The following SETX variants were observed in gnomAD, a reference collection of about 807,000 sequenced individuals.
SETX encodes helicase senataxin.
In SETX, 90 loss-of-function variants were observed where a neutral mutation model predicts 227.2. The ratio of observed to expected loss-of-function variants is 0.40; its 90% CI spans 0.33 to 0.47. The LOEUF (loss-of-function observed/expected upper bound fraction) is 0.47. Among genes scored for constraint, SETX ranks in the 20% least tolerant of loss-of-function variants. The pLI, the probability that SETX is intolerant of heterozygous loss-of-function variation, is 0.91. For missense variants in SETX, 3,052 were observed against 3,181.5 expected (o/e 0.96, Z 0.98); for synonymous variants, 1,210 against 1,113.2 (o/e 1.09, Z -1.73).
chr9:132,342,984 A>G (rs1848073563), intron 4 of SETX, among the ~76,000 whole-genome samples, 185 bp from the exon 5 acceptor site: 1 of 152,220 alleles, frequency 6.6e-6, no homozygotes. Context: ...AAATCCGTTG[A>G]TCACAGGGTG....
chr9:132,334,516 CA>C, intron 7 of SETX, 91 bp downstream of exon 7: 1 of 1,429,468 alleles, frequency 7.0e-7, no homozygotes, highest in Non-Finnish European at 9.8e-7. Context: ...CTTTTCTCCA[CA>C]ACATACACCA....
chr9:132,347,994 C>A (rs1384083470), intron 3 of SETX, among the ~76,000 whole-genome samples: 1 of 151,426 alleles, frequency 6.6e-6, no homozygotes, highest in Non-Finnish European at 1.5e-5. Flanking sequence ...GGAAAATATG[C>A]TTGCCCTTAA....
chr9:132,299,813 T>C (rs1301062746), intron 12 of SETX, among the ~76,000 whole-genome samples: 1 of 152,016 alleles, frequency 6.6e-6, no homozygotes, highest in African/African-American at 2.4e-5. Context: ...CTTCTACCTT[T>C]TGGGGCTTTG....
chr9:132,339,068 C>T (rs577588737), intron 5 of SETX, among the ~76,000 whole-genome samples: 27 of 152,286 alleles, frequency 1.8e-4, no homozygotes, highest in Non-Finnish European at 3.2e-4. Flanking sequence ...CAGCCCTTTT[C>T]CCAATTTTTA....
rs376428182 is a variant in SETX at position 132,311,256 on chromosome 9, C to T, written c.5374+501G>A. On this transcript the variant is annotated intron_variant, in intron 11 of 25. Coordinates refer to ENST00000224140, the MANE Select transcript of SETX (RefSeq NM_015046.7). ...TGCTGGGATTACAGGCATGAGCCAC[C>T]GCACCCAGCCTCATTTTTTTTTAAG... 1.7e-3 allele frequency among the ~76,000 whole-genome samples: 266 copies of T among 152,212 alleles called. 5 individuals carry two copies. In the South Asian group the frequency reaches 0.049, roughly 28 times the overall value.
intron 24 of SETX, 87 bp from the exon 25 acceptor site, chr9:132,269,789 C>G: frequency 7.6e-7 from 1 of 1,312,964 alleles, no homozygotes; most frequent in Non-Finnish European, 1.1e-6. Flanking sequence ...AATGACTCAA[C>G]GTGCCCGTGT....
chr9:132,299,510 A>G (rs1456616126), intron 12 of SETX, among the ~76,000 whole-genome samples: 1 of 152,216 alleles, frequency 6.6e-6, no homozygotes, highest in African/African-American at 2.4e-5. Context: ...ACAAATAAAC[A>G]TGGTACACCT....
intron 11 of SETX, among the ~76,000 whole-genome samples, chr9:132,301,148 A>G (rs1198638788): frequency 7.2e-6 from 1 of 139,684 alleles, no homozygotes; most frequent in Non-Finnish European, 1.5e-5. Flanking sequence ...GCTGGAGTGC[A>G]GTGGCGCGAT....
rs965465481 is a variant in SETX, at chr9:132,329,374, C to A, written c.2224G>T (p.Val742Leu). 6 of 1,613,846 alleles carry A rather than the reference C, an allele frequency of 3.7e-6. No homozygotes were observed. In the African/African-American group the frequency reaches 8.0e-5, roughly 22 times the overall value. The change falls in exon 10 of 26, where the codon GTA (valine) becomes TTA (leucine). Residue 742 changes from valine (V) to leucine (L), a missense_variant. Val to Leu is a conservative substitution (Grantham distance 32). Around this residue, in one of 10 missense-constraint regions of SETX, gnomAD observed 1,483 missense variants for 1,312.0 expected, o/e 1.13. Transcript: ENST00000224140. ...PERGCDRGII[V>L]STRLLTDSST... ...GAATCAGTCAACAAACGTGTTGATA[C>A]TATTATTCCTCTGTCACATCCCCTT... is the stretch of plus-strand genomic sequence containing the variant.
chr9:132,293,712 G>T (rs1304885915), intron 15 of SETX, among the ~76,000 whole-genome samples: 3 of 152,030 alleles, frequency 2.0e-5, no homozygotes, highest in African/African-American at 7.2e-5. Context: ...GCGCCACTGT[G>T]CCCAGCCTGC....
chr9:132,269,358 TAAC>T, intron 25 of SETX: 1 of 1,384,212 alleles, frequency 7.2e-7, no homozygotes, highest in Non-Finnish European at 9.7e-7. Flanking sequence ...TATACCTTCT[TAAC>T]AATAATCCTA....
chr9:132,346,958 G>C (rs979318066), intron 3 of SETX, among the ~76,000 whole-genome samples: 1 of 151,758 alleles, frequency 6.6e-6, no homozygotes, highest in African/African-American at 2.4e-5. Context: ...CTGCCTCTAA[G>C]AGAAAAAGAA....
intron 3 of SETX, 143 bp downstream of exon 3, chr9:132,349,109 C>CA: frequency 1.2e-6 from 1 of 844,708 alleles, no homozygotes; most frequent in South Asian, 1.6e-5. Flanking sequence ...CTAACAACAA[C>CA]AAAAACAAAA....
chr9:132,330,339 T>C lies in SETX; in HGVS notation c.1259A>G (p.Asp420Gly). 3.1e-6 allele frequency: 5 copies of C among 1,613,916 alleles called. No individual in the cohort carries two copies. The highest frequency in any genetic ancestry group is 4.2e-6 in the Non-Finnish European group (5 of 1,179,828). Residue 420 changes from aspartate to glycine, a missense_variant, in exon 10 of 26, where the codon GAT (aspartate) becomes GGT (glycine). Transcript: ENST00000224140. The stretch of plus-strand genomic sequence containing the variant: ...GTAAGCCACACCCAAATCCTTAAGA[T>C]CCATGAGGGACTGGACAAAAGGGAT... The part of the protein sequence containing the change: ...WFIPFVQSLM[D>G]LKDLGVAYIA...
rs201864041 is a variant in SETX at position 132,346,404 on chromosome 9, C to A, written c.245G>T (p.Gly82Val). 6.2e-7 allele frequency: 1 copy of A among 1,613,796 alleles called. No individual in the cohort carries two copies. The highest frequency in any genetic ancestry group is 1.3e-5 in the African/African-American group (1 of 75,030). The change falls in exon 4 of 26, where the codon GGA becomes GTA. Residue 82 changes from glycine to valine, a missense_variant. Gly to Val is a moderately radical substitution (Grantham distance 109). Transcript: ENST00000224140. Reference sequence around the variant, plus strand: ...TACTATATATAACTCATCATCATCTCCAATTTCTGCCTTCATGGATTTTTC... The same window carrying A: ...TACTATATATAACTCATCATCATCTACAATTTCTGCCTTCATGGATTTTTC... Reference protein sequence around the residue: ...HFEKSMKAEIGDDDELYIVDN... With the variant: ...HFEKSMKAEIVDDDELYIVDN...
chr9:132,264,099 G>A lies in SETX; in HGVS notation c.*140C>T, dbSNP rs1842508417. The A allele has an allele frequency of 1.7e-6, 2 of 1,173,862 alleles. No homozygotes were observed. The highest frequency in any genetic ancestry group is 1.5e-5 in the African/African-American group (1 of 66,450). 72.7% of individuals were successfully genotyped at this position (1,173,862 alleles called of 1,614,324 possible). ...AATACTGAAGATGACCAGAGGCTCA[G>A]GTGTTAAGGATGCATTTTCCATGTT... is the stretch of plus-strand genomic sequence containing the variant. On this transcript the variant is annotated 3_prime_UTR_variant, in exon 26 of 26. Transcript: ENST00000224140.
At chr9:132,339,499 A>G (rs1847836647) in intron 5 of SETX, among the ~76,000 whole-genome samples, 1 of 152,232 alleles carries the variant, frequency 6.6e-6, no homozygotes, top group Non-Finnish European at 1.5e-5. Flanking sequence ...TAAATGCTGT[A>G]CACCTCTATT....
intron 10 of SETX, among the ~76,000 whole-genome samples, chr9:132,319,934 G>A (rs1846216857): frequency 6.6e-6 from 1 of 152,190 alleles, no homozygotes; most frequent in Non-Finnish European, 1.5e-5. Flanking sequence ...CTACACAGGA[G>A]AGGCAACAGT....
intron 25 of SETX, 111 bp downstream of exon 25, chr9:132,269,504 A>C (rs369123729): frequency 6.4e-5 from 103 of 1,602,118 alleles, no homozygotes; most frequent in African/African-American, 6.3e-4. Context: ...AAAACATAAC[A>C]ACCATTATTT....
Sources: allele counts gnomAD v4.1 joint callset (sites outside exome capture counted in the v4.1 genomes callset), GRCh38; gene constraint gnomAD v4.1.1; regional missense constraint gnomAD v4.1.1; transcripts MANE v1.5; gene names NCBI Gene and HGNC (gene_info 2026-07-23, HGNC 2026-07-21).